The following XPO6 variants were observed in gnomAD, a reference collection of about 807,000 sequenced individuals.
The protein encoded by XPO6 is exportin-6.
A neutral mutation model predicts 130.0 loss-of-function variants in XPO6; 3 were observed. The ratio of observed to expected loss-of-function variants is 0.02; its 90% confidence interval spans 0.01 to 0.06. XPO6 has a LOEUF of 0.06. Among genes scored for constraint, XPO6 ranks in the 10% least tolerant of loss-of-function variants. The pLI is 1.00. For synonymous variants in XPO6, 524 were observed against 548.9 expected, an observed-to-expected ratio of 0.95 and a Z score of 0.63; for missense variants, 970 against 1,393.0, an observed-to-expected ratio of 0.70 and a Z score of 4.83.
chr16:28,135,275 GGATTC>G lies in XPO6; in HGVS notation c.1379_1383del (p.Arg460ProfsTer14). 6.2e-7 allele frequency: 1 copy of G among 1,613,988 alleles called. No individual in the cohort carries two copies. The highest frequency in any genetic ancestry group is 8.5e-7 in the Non-Finnish European group (1 of 1,179,946). On this transcript the variant is annotated frameshift_variant, in exon 10 of 24. Transcript: ENST00000304658. LOFTEE classifies it high-confidence loss of function. ...AGCTGGGCTTGGTTGTATCTGAACT[GGATTC>G]GATTCAACACCTCTGTGAGCAGGAG... is the stretch of plus-strand genomic sequence containing the variant.
chr16:28,206,807 T>C (rs2044037913), intron 1 of XPO6, among the ~76,000 whole-genome samples: 1 of 152,174 alleles, frequency 6.6e-6, no homozygotes, highest in Admixed American at 6.5e-5. Flanking sequence ...GCCATCTCCC[T>C]GCACCCCCAT....
At chr16:28,210,798 C>T (rs2044116665) in intron 1 of XPO6, among the ~76,000 whole-genome samples, 1 of 152,192 alleles carries the variant, frequency 6.6e-6, no homozygotes, top group Admixed American at 6.5e-5. Flanking sequence ...GTGCAAGTGA[C>T]CTCTGTAAAT....
chr16:28,133,061 G>A (rs2042705323), intron 11 of XPO6, among the ~76,000 whole-genome samples: 1 of 152,224 alleles, frequency 6.6e-6, no homozygotes, highest in Non-Finnish European at 1.5e-5. Context: ...CTATGGCCAG[G>A]GGCGGTGGCT....
intron 4 of XPO6, among the ~76,000 whole-genome samples, chr16:28,174,504 T>C (rs1267410177): frequency 6.6e-6 from 1 of 152,222 alleles, no homozygotes; most frequent in African/African-American, 2.4e-5. Context: ...TGTTCATTAC[T>C]ATATCCCCTC....
At chr16:28,146,033 T>C in intron 9 of XPO6, 61 bp downstream of exon 9, 1 of 1,342,024 alleles carries the variant, frequency 7.5e-7, no homozygotes, top group Non-Finnish European at 1.1e-6. Flanking sequence ...GGCTGTCTCT[T>C]AGGCCACTAG....
intron 6 of XPO6, among the ~76,000 whole-genome samples, chr16:28,157,491 A>C (rs1317598563): frequency 6.6e-6 from 1 of 152,192 alleles, no homozygotes; most frequent in Non-Finnish European, 1.5e-5. Flanking sequence ...AAGAGTTCCT[A>C]ATCAATGAAA....
chr16:28,209,777 T>C (rs2044095529), intron 1 of XPO6, among the ~76,000 whole-genome samples: 1 of 152,124 alleles, frequency 6.6e-6, no homozygotes, highest in South Asian at 2.1e-4. Context: ...AATTTCATAG[T>C]TGAGGAAATT....
intron 6 of XPO6, among the ~76,000 whole-genome samples, chr16:28,159,778 T>C (rs1312079318): frequency 2.0e-5 from 3 of 152,172 alleles, no homozygotes; most frequent in Non-Finnish European, 4.4e-5. Flanking sequence ...AGTACAAAAT[T>C]GATTTTTATC....
chr16:28,178,887 C>A (rs576426990), intron 2 of XPO6, among the ~76,000 whole-genome samples: 9 of 151,880 alleles, frequency 5.9e-5, no homozygotes, highest in African/African-American at 2.2e-4. Context: ...GCCAACATGG[C>A]GAAACCCCGT....
chr16:28,152,686 T>G lies in XPO6; in HGVS notation c.1197A>C (p.Thr399=), dbSNP rs772451116. The G allele has an allele frequency of 1.1e-5, 17 of 1,612,764 alleles. No individual in the cohort carries two copies. The South Asian group carries it at 1.3e-4, about 13-fold the overall frequency. Reference sequence around the variant, plus strand: ...GATGAAATGTGTACTTGAACAAAAGTGTCAAAAACTCCACCACAGGGAACT... The same window carrying G: ...GATGAAATGTGTACTTGAACAAAAGGGTCAAAAACTCCACCACAGGGAACT... ...YSQFPVVEFL[T]LLFKYTFHQP... The change falls in exon 8 of 24, where the codon ACA becomes ACC. Residue 399 remains threonine, a synonymous_variant. Transcript: ENST00000304658.
At position 28,166,500 on chromosome 16, in the gene XPO6, G is replaced by A; in HGVS notation, c.643+8C>T. Reference sequence around the variant, plus strand: ...AGAAGAATGCCTTGGCTGGCAGGCAGACCATACCACTTTCTCCTGAGGTCG... The same window carrying A: ...AGAAGAATGCCTTGGCTGGCAGGCAAACCATACCACTTTCTCCTGAGGTCG... On this transcript the variant is annotated splice_region_variant and intron_variant, in intron 6 of 23. Transcript: ENST00000304658. The A allele has an allele frequency of 6.3e-7, 1 of 1,579,756 alleles. No individual in the cohort carries two copies. Among genetic ancestry groups the A allele is most frequent in the Non-Finnish European group, 8.6e-7 (1 of 1,161,122 alleles).
Position 28,106,643 on chromosome 16 carries a change from C to A in XPO6, c.2498-146G>T. On this transcript the variant is annotated intron_variant, in intron 18 of 23. Coordinates refer to ENST00000304658, the MANE Select transcript of XPO6 (RefSeq NM_015171.4). The surrounding 1 kb of genome is among the most constrained non-coding windows in gnomAD (Gnocchi z 4.2). ...AACATTTCCCCAACACCATCAGGGC[C>A]AATGATGGAAAGTGGAAAACGATTA... 1.5e-6 allele frequency: 1 copy of A among 651,978 alleles called. No homozygotes were observed. The allele number at this position is 651,978 out of a possible 1,614,324, so 40.4% of individuals were successfully genotyped here.
chr16:28,122,620 GTTTGTTTTGT>G lies in XPO6; in HGVS notation c.1767-868_1767-859del, dbSNP rs535249455. ...ACAGAACAAGACCAAAATCCTGTTT[GTTTGTTTTGT>G]TTTGTTTTGTTTTAAAAAAAAAACT... On this transcript the variant is annotated intron_variant, in intron 13 of 23. Coordinates refer to ENST00000304658, the MANE Select transcript of XPO6 (RefSeq NM_015171.4). Among the ~76,000 whole-genome samples the G allele has an allele frequency of 3.4e-4, 51 of 151,818 alleles. 1 individual carries two copies. Among genetic ancestry groups the G allele is most frequent in the African/African-American group, 1.2e-3 (51 of 41,320 alleles).
chr16:28,146,670 C>G (rs1369337162), intron 8 of XPO6, among the ~76,000 whole-genome samples: 1 of 152,322 alleles, frequency 6.6e-6, no homozygotes, highest in South Asian at 2.1e-4. Context: ...CCAAAGGTGA[C>G]AGGTTCACAC....
chr16:28,163,862 A>C (rs1468891045), intron 6 of XPO6, among the ~76,000 whole-genome samples: 1 of 152,198 alleles, frequency 6.6e-6, no homozygotes, highest in African/African-American at 2.4e-5. Flanking sequence ...CACTCTGCTC[A>C]CTGGCGATGC....
At chr16:28,163,739 A>C (rs2043313714) in intron 6 of XPO6, among the ~76,000 whole-genome samples, 1 of 152,334 alleles carries the variant, frequency 6.6e-6, no homozygotes, top group South Asian at 2.1e-4. Context: ...ACTCCAAACC[A>C]GGGGAAGAAG....
chr16:28,150,001 C>T (rs1486669633), intron 8 of XPO6, among the ~76,000 whole-genome samples: 1 of 152,166 alleles, frequency 6.6e-6, no homozygotes, highest in Non-Finnish European at 1.5e-5. Flanking sequence ...ATTCCAAAGA[C>T]CTCCCCTATA....
intron 6 of XPO6, among the ~76,000 whole-genome samples, chr16:28,164,733 G>A (rs1291647737): frequency 6.6e-6 from 1 of 152,202 alleles, no homozygotes; most frequent in Non-Finnish European, 1.5e-5. Context: ...TCTCTGGTTT[G>A]TATTATCTGA....
At chr16:28,162,664 C>T (rs1004634254) in intron 6 of XPO6, among the ~76,000 whole-genome samples, 3 of 151,514 alleles carry the variant, frequency 2.0e-5, no homozygotes, top group Admixed American at 6.6e-5. Context: ...TGGACTCAAG[C>T]CATTCTCCCA....
Sources: allele counts gnomAD v4.1 joint callset (sites outside exome capture counted in the v4.1 genomes callset), GRCh38; gene constraint gnomAD v4.1.1; non-coding constraint Gnocchi (gnomAD v3.1); transcripts MANE v1.5; gene names NCBI Gene and HGNC (gene_info 2026-07-23, HGNC 2026-07-21).